The following CNOT4 variants were observed in gnomAD, a reference collection of about 807,000 sequenced individuals.
CNOT4 encodes CCR4-NOT transcription complex subunit 4, also known as CCR4-associated factor 4.
In CNOT4, 8 loss-of-function variants were observed where a neutral mutation model predicts 73.8. That is an observed-to-expected ratio of 0.11 (90% CI 0.06 to 0.20). CNOT4 has a LOEUF of 0.20. CNOT4 is among the 10% of genes least tolerant of loss of function. The pLI is 1.00. For missense variants in CNOT4, 564 were observed against 883.4 expected, an observed-to-expected ratio of 0.64 and a Z score of 4.58; for synonymous variants, 293 against 321.1, an observed-to-expected ratio of 0.91 and a Z score of 0.94.
intron 10 of CNOT4, among the ~76,000 whole-genome samples, chr7:135,378,320 A>C (rs143819001): frequency 0.019 from 2,925 of 152,096 alleles, 97 homozygotes; most frequent in African/African-American, 0.067. Context: ...CCTGGCCAAC[A>C]ATGTGAAACC....
chr7:135,501,871 A>G (rs1803989968), intron 1 of CNOT4, among the ~76,000 whole-genome samples: 1 of 152,176 alleles, frequency 6.6e-6, no homozygotes, highest in African/African-American at 2.4e-5. Flanking sequence ...TCTCCTCCAC[A>G]ACGCATATTG....
chr7:135,434,124 C>T (rs1799014587), intron 2 of CNOT4, among the ~76,000 whole-genome samples: 2 of 152,160 alleles, frequency 1.3e-5, no homozygotes, highest in South Asian at 4.1e-4. Flanking sequence ...CACAGCATGG[C>T]CTCTGTAGAC....
chr7:135,469,380 T>C (rs1205831305), intron 1 of CNOT4, among the ~76,000 whole-genome samples: 3 of 152,204 alleles, frequency 2.0e-5, no homozygotes, highest in Non-Finnish European at 4.4e-5. Flanking sequence ...ACAAAAATTC[T>C]CTTTTTGTTT....
chr7:135,497,494 T>G (rs529205478), intron 1 of CNOT4, among the ~76,000 whole-genome samples: 1 of 152,210 alleles, frequency 6.6e-6, no homozygotes, highest in African/African-American at 2.4e-5. Context: ...ATCAACCAGG[T>G]TCTGTTTGGG....
Position 135,414,319 on chromosome 7 carries a change from G to C in CNOT4, c.561+12C>G. Reference sequence around the variant, plus strand: ...TTAAAAAAAAAAAAAAGAATCAAGAGGACTATATTACCTTAAGTGTTCTGC... The same window carrying C: ...TTAAAAAAAAAAAAAAGAATCAAGACGACTATATTACCTTAAGTGTTCTGC... On this transcript the variant is annotated intron_variant, in intron 5 of 11. Transcript: ENST00000541284. The C allele has an allele frequency of 1.1e-6, 1 of 936,208 alleles. No homozygotes were observed. 58.0% of individuals were successfully genotyped at this position (936,208 alleles called of 1,614,324 possible).
intron 1 of CNOT4, among the ~76,000 whole-genome samples, chr7:135,449,078 A>G (rs1262365300): frequency 6.6e-6 from 1 of 152,214 alleles, no homozygotes; most frequent in Admixed American, 6.5e-5. Context: ...GAAGAACTAC[A>G]GGTAACACAG....
intron 1 of CNOT4, among the ~76,000 whole-genome samples, chr7:135,469,615 T>G (rs1423093331): frequency 6.6e-6 from 1 of 152,200 alleles, no homozygotes; most frequent in African/African-American, 2.4e-5. Context: ...ATTTATGGTA[T>G]AGCCTTGACT....
chr7:135,428,778 C>T (rs1798655997), intron 2 of CNOT4, among the ~76,000 whole-genome samples: 1 of 152,046 alleles, frequency 6.6e-6, no homozygotes, highest in Non-Finnish European at 1.5e-5. Context: ...AAGGTTGTAT[C>T]TGAAGAGATA....
rs1299509622 is a variant in CNOT4 at position 135,363,284 on chromosome 7, A to G, written c.1841-98T>C. The G allele has an allele frequency of 6.7e-6, 7 of 1,044,944 alleles. No individual in the cohort carries two copies. In the East Asian group the frequency reaches 1.2e-4, roughly 18 times the overall value. The allele number at this position is 1,044,944 out of a possible 1,614,324, so 64.7% of individuals were successfully genotyped here. A position where few individuals can be genotyped will look rare whatever the true frequency, so the allele number is the denominator to read the frequency against. On this transcript the variant is annotated intron_variant, in intron 11 of 11. Coordinates refer to ENST00000541284, the MANE Select transcript of CNOT4 (RefSeq NM_001190850.2). The surrounding 1 kb of genome is among the most constrained non-coding windows in gnomAD (Gnocchi z 4.3). ...AGAAAGCAAAACCAAAAGGAAAGAC[A>G]GAAGAGATTACAATTTTAAACTCCT...
At chr7:135,466,578 T>C (rs922913668) in intron 1 of CNOT4, among the ~76,000 whole-genome samples, 2 of 152,140 alleles carry the variant, frequency 1.3e-5, no homozygotes, top group Non-Finnish European at 2.9e-5. Context: ...AGCCTAACTA[T>C]ACAGTGTTTA....
At chr7:135,481,570 T>C (rs983139361) in intron 1 of CNOT4, among the ~76,000 whole-genome samples, 9 of 152,228 alleles carry the variant, frequency 5.9e-5, no homozygotes, top group Admixed American at 5.9e-4. Context: ...ATCATTATCA[T>C]ATGATCTGGC....
chr7:135,480,746 T>G (rs1000209487), intron 1 of CNOT4, among the ~76,000 whole-genome samples: 1 of 152,194 alleles, frequency 6.6e-6, no homozygotes, highest in African/African-American at 2.4e-5. Context: ...AAGCTTAATA[T>G]ACAATTCCTA....
intron 1 of CNOT4, among the ~76,000 whole-genome samples, chr7:135,508,704 A>G (rs1384962573): frequency 6.6e-6 from 1 of 152,246 alleles, no homozygotes; most frequent in Non-Finnish European, 1.5e-5. Context: ...AAACTCAGTC[A>G]AAAATCAAGC....
At chr7:135,459,549 C>T (rs1800746904) in intron 1 of CNOT4, among the ~76,000 whole-genome samples, 1 of 152,164 alleles carries the variant, frequency 6.6e-6, no homozygotes, top group Non-Finnish European at 1.5e-5. Context: ...GAAATATAAT[C>T]ATCTGTCAGT....
chr7:135,470,295 T>G (rs116633558), intron 1 of CNOT4, among the ~76,000 whole-genome samples: 2,227 of 151,918 alleles, frequency 0.015, 57 homozygotes, highest in African/African-American at 0.051. Context: ...CATGCCCCAC[T>G]AGTTTCTTAA....
intron 2 of CNOT4, among the ~76,000 whole-genome samples, chr7:135,433,959 T>C (rs2129485154): frequency 6.6e-6 from 1 of 152,340 alleles, no homozygotes; most frequent in East Asian, 1.9e-4. Flanking sequence ...GTTTTTAAAA[T>C]CTGGCTGTCT....
intron 1 of CNOT4, among the ~76,000 whole-genome samples, chr7:135,456,160 G>C (rs985089442): frequency 1.1e-4 from 17 of 152,196 alleles, no homozygotes; most frequent in Non-Finnish European, 2.5e-4. Flanking sequence ...ACACAAATGA[G>C]TAAGTGTGGC....
chr7:135,455,895 A>C (rs1800497035), intron 1 of CNOT4, among the ~76,000 whole-genome samples: 1 of 152,126 alleles, frequency 6.6e-6, no homozygotes, highest in Admixed American at 6.5e-5. Context: ...AAAGACTAAA[A>C]CATATAAGCG....
intron 10 of CNOT4, among the ~76,000 whole-genome samples, chr7:135,385,280 T>C (rs145251239): frequency 5.3e-5 from 8 of 152,330 alleles, no homozygotes; most frequent in African/African-American, 1.9e-4. Context: ...TATCCAAGCT[T>C]ACCAGTCCCT....
Sources: allele counts gnomAD v4.1 joint callset (sites outside exome capture counted in the v4.1 genomes callset), GRCh38; gene constraint gnomAD v4.1.1; non-coding constraint Gnocchi (gnomAD v3.1); transcripts MANE v1.5; gene names NCBI Gene and HGNC (gene_info 2026-07-23, HGNC 2026-07-21).